The following LCOR variants were observed in gnomAD, a reference collection of about 807,000 sequenced individuals.
The protein encoded by LCOR is ligand-dependent corepressor.
In LCOR, 14 loss-of-function variants were observed where a neutral mutation model predicts 64.4. The observed-to-expected ratio is 0.22, with a 90% confidence interval of 0.14 to 0.34. The LOEUF (loss-of-function observed/expected upper bound fraction) is 0.34, where lower values mean the gene tolerates loss of function less well. Among genes scored for constraint, LCOR ranks in the 10% least tolerant of loss-of-function variants. LCOR has a pLI of 1.00. For synonymous variants in LCOR, 643 were observed against 642.5 expected (o/e 1.00, Z -0.01); for missense variants, 1,686 against 1,765.3 (o/e 0.96, Z 0.80).
In LCOR at chr10:96,941,196, C is replaced by T. The variant is rs1200997734; in HGVS notation, c.-183-2917C>T. Among the ~76,000 whole-genome samples the T allele has an allele frequency of 8.4e-5, 12 of 142,828 alleles. 1 individual carries two copies. Among genetic ancestry groups the T allele is most frequent in the Admixed American group, 5.5e-4 (8 of 14,610 alleles). The allele number at this position is 142,828 out of a possible 152,430, so 93.7% of individuals were successfully genotyped here. A position where few individuals can be genotyped will look rare whatever the true frequency, so the allele number is the denominator to read the frequency against. ...GGCTGGCCAGGCGGGGGGCTGACCC[C>T]CCCACCTCCCTCCCGGACGGGGCGG... On this transcript the variant is annotated intron_variant, in intron 4 of 7. Coordinates refer to ENST00000421806, the MANE Select transcript of LCOR (RefSeq NM_001346516.2).
intron 5 of LCOR, among the ~76,000 whole-genome samples, chr10:96,945,456 C>T (rs1314529154): frequency 6.6e-6 from 1 of 152,098 alleles, no homozygotes; most frequent in African/African-American, 2.4e-5. Flanking sequence ...TTAGTACATC[C>T]TTAATTCTCT....
At chr10:96,907,815 G>A (rs923154922) in intron 4 of LCOR, 68 bp downstream of exon 4, 5 of 429,336 alleles carry the variant, frequency 1.2e-5, no homozygotes, top group African/African-American at 8.6e-5. Flanking sequence ...TTAAAACATT[G>A]TGTTACTTTG....
At chr10:96,846,580 CA>C (rs1339082068) in intron 2 of LCOR, among the ~76,000 whole-genome samples, 2 of 152,164 alleles carry the variant, frequency 1.3e-5, no homozygotes, top group African/African-American at 4.8e-5. Flanking sequence ...CAAAACAAAT[CA>C]AAATAAAGCA....
chr10:96,832,919 C>CGGCGGGCTGCA (rs1845369497), intron 1 of LCOR: 11 of 913,788 alleles, frequency 1.2e-5, no homozygotes, highest in Non-Finnish European at 1.2e-5. Flanking sequence ...CGTGCACGCG[C>CGGCGGGCTGCA]GGCGGGCTGC....
At chr10:96,974,218 T>C (rs1436167404) in intron 7 of LCOR, among the ~76,000 whole-genome samples, 1 of 152,230 alleles carries the variant, frequency 6.6e-6, no homozygotes. Context: ...AAGACAGTGG[T>C]CAAGGTCATG....
At chr10:96,979,366 G>A (rs1848063224) in intron 7 of LCOR, among the ~76,000 whole-genome samples, 1 of 152,178 alleles carries the variant, frequency 6.6e-6, no homozygotes, top group African/African-American at 2.4e-5. Context: ...GACTGCATGG[G>A]TTCAGTACAA....
chr10:96,930,906 CTG>C (rs1847248594), intron 4 of LCOR, among the ~76,000 whole-genome samples: 1 of 152,130 alleles, frequency 6.6e-6, no homozygotes, highest in African/African-American at 2.4e-5. Context: ...AGGTTCCAGA[CTG>C]TGAGAAAATA....
At chr10:96,890,443 T>G (rs1846420767) in intron 2 of LCOR, among the ~76,000 whole-genome samples, 1 of 152,222 alleles carries the variant, frequency 6.6e-6, no homozygotes, top group Non-Finnish European at 1.5e-5. Flanking sequence ...ACCTGTTTAT[T>G]AGGTTAATGG....
intron 4 of LCOR, among the ~76,000 whole-genome samples, chr10:96,941,100 C>T (rs1402976138): frequency 1.4e-3 from 163 of 116,782 alleles, no homozygotes; most frequent in South Asian, 2.8e-3. Flanking sequence ...GGCGGCTGGC[C>T]GGGCAGAGGG....
chr10:96,857,714 G>C (rs1301937264), intron 2 of LCOR, among the ~76,000 whole-genome samples: 1 of 152,144 alleles, frequency 6.6e-6, no homozygotes. Flanking sequence ...CGCTACCCTA[G>C]ATGATCTTGG....
At chr10:96,833,576 C>G (rs190143051) in intron 2 of LCOR, 97 bp downstream of exon 2, 21 of 425,658 alleles carry the variant, frequency 4.9e-5, no homozygotes, top group African/African-American at 4.5e-4. Flanking sequence ...TTGTTACTTC[C>G]CCGTCTTTGC....
chr10:96,872,518 C>T (rs1846088896), intron 2 of LCOR, among the ~76,000 whole-genome samples: 1 of 152,066 alleles, frequency 6.6e-6, no homozygotes, highest in East Asian at 1.9e-4. Context: ...CATGGTGGAA[C>T]CCTCTCTCTA....
intron 2 of LCOR, among the ~76,000 whole-genome samples, chr10:96,840,379 G>C (rs1189394382): frequency 6.6e-6 from 1 of 152,150 alleles, no homozygotes; most frequent in Non-Finnish European, 1.5e-5. Flanking sequence ...GTAAAAACTA[G>C]TATTTGTTGT....
At chr10:96,910,232 GA>G (rs1426432822) in intron 4 of LCOR, among the ~76,000 whole-genome samples, 1 of 151,758 alleles carries the variant, frequency 6.6e-6, no homozygotes, top group Non-Finnish European at 1.5e-5. Context: ...TACAGATAGA[GA>G]AAGTCATGAA....
In LCOR at chr10:96,897,101, C is replaced by CAAA. The variant is rs370380714; in HGVS notation, c.-329-10150_-329-10148dup. ...AGAGAAAGAGAAAGAGAAAGAAAAG[C>CAAA]AAAAAAAAAAAAAAAACCCAAAAGA... On this transcript the variant is annotated intron_variant, in intron 2 of 7. Coordinates refer to ENST00000421806, the MANE Select transcript of LCOR (RefSeq NM_001346516.2). Among the ~76,000 whole-genome samples the CAAA allele has an allele frequency of 6.1e-3, 483 of 78,840 alleles. 4 individuals are homozygous for CAAA. The highest frequency in any genetic ancestry group is 0.017 in the African/African-American group (402 of 24,248). 51.7% of individuals were successfully genotyped at this position (78,840 alleles called of 152,430 possible). A position where few individuals can be genotyped will look rare whatever the true frequency, so the allele number is the denominator to read the frequency against.
intron 2 of LCOR, among the ~76,000 whole-genome samples, chr10:96,906,718 T>G (rs1846735154): frequency 6.6e-6 from 1 of 152,192 alleles, no homozygotes; most frequent in African/African-American, 2.4e-5. Context: ...ACATAGTTAT[T>G]GTGGCAATGT....
intron 2 of LCOR, among the ~76,000 whole-genome samples, chr10:96,873,868 T>C (rs962485120): frequency 1.3e-5 from 2 of 152,098 alleles, no homozygotes; most frequent in African/African-American, 4.8e-5. Flanking sequence ...GATTAAAATA[T>C]TGTATTCTTC....
chr10:96,853,301 G>A (rs1472917700), intron 2 of LCOR, among the ~76,000 whole-genome samples: 1 of 152,154 alleles, frequency 6.6e-6, no homozygotes, highest in Non-Finnish European at 1.5e-5. Context: ...GCCCGCCTCA[G>A]CCTCCCAAGT....
At chr10:96,874,342 C>T (rs1194442957) in intron 2 of LCOR, among the ~76,000 whole-genome samples, 6 of 152,150 alleles carry the variant, frequency 3.9e-5, no homozygotes, top group Non-Finnish European at 8.8e-5. Context: ...TAAAACATGC[C>T]ATTATCCTGT....
Sources: gnomAD v4.1 joint callset for allele counts (sites outside exome capture counted in the v4.1 genomes callset) on GRCh38, gnomAD v4.1.1 for gene constraint, MANE v1.5 for transcripts, NCBI Gene and HGNC (gene_info 2026-07-23, HGNC 2026-07-21) for gene names.